Variants in AK7 observed in about 807,000 individuals in gnomAD.
AK7 encodes the protein adenylate kinase 7.
In AK7, 78 loss-of-function variants were observed where a neutral mutation model predicts 96.6. The observed-to-expected ratio is 0.81, with a 90% CI of 0.67 to 0.97. The LOEUF is 0.97. AK7 is among the 50% of genes least tolerant of loss of function. The pLI is 0.00. For missense variants in AK7, 855 were observed against 887.9 expected (o/e 0.96, Z 0.47); for synonymous variants, 302 against 317.2 (o/e 0.95, Z 0.51).
intron 7 of AK7, among the ~76,000 whole-genome samples, chr14:96,444,907 AG>A (rs1162838651): frequency 6.6e-6 from 1 of 152,038 alleles, no homozygotes; most frequent in African/African-American, 2.4e-5. Context: ...TAGTAGAGAC[AG>A]GGTTTCACCA....
In AK7 at chr14:96,488,424, C is replaced by A. The variant is rs1895896753; in HGVS notation, c.*81C>A. ...CTTTGAAAAATTGCTTTGAAAAATG[C>A]TTTTCCAGTTCTTAGAAAATTCTTT... is the stretch of plus-strand genomic sequence containing the variant. On this transcript the variant is annotated 3_prime_UTR_variant, in exon 18 of 18. Transcript: ENST00000267584. The A allele has an allele frequency of 3.1e-6, 4 of 1,289,444 alleles. No homozygotes were observed. Among genetic ancestry groups the A allele is most frequent in the Admixed American group, 4.5e-5 (2 of 44,538 alleles). 79.9% of individuals were successfully genotyped at this position (1,289,444 alleles called of 1,614,324 possible).
intron 12 of AK7, among the ~76,000 whole-genome samples, chr14:96,466,748 C>T (rs980024041): frequency 5.3e-5 from 8 of 152,070 alleles, no homozygotes; most frequent in East Asian, 3.9e-4. Context: ...GAAAAATACA[C>T]GGCCGGAGAG....
At chr14:96,409,830 T>C (rs1027675355) in intron 4 of AK7, among the ~76,000 whole-genome samples, 1 of 152,258 alleles carries the variant, frequency 6.6e-6, no homozygotes, top group Non-Finnish European at 1.5e-5. Context: ...GCCTATGCAC[T>C]ACCTTTCCAT....
intron 6 of AK7, among the ~76,000 whole-genome samples, chr14:96,441,753 C>T (rs1275354697): frequency 6.6e-6 from 1 of 151,796 alleles, no homozygotes; most frequent in Non-Finnish European, 1.5e-5. Flanking sequence ...ATTTTGGGGT[C>T]CCAAGGTTTA....
At chr14:96,474,757 ACT>A (rs1895085501) in intron 14 of AK7, among the ~76,000 whole-genome samples, 1 of 152,230 alleles carries the variant, frequency 6.6e-6, no homozygotes, top group South Asian at 2.1e-4. Flanking sequence ...CTCATTGCAA[ACT>A]CTGTGCTAAA....
intron 5 of AK7, among the ~76,000 whole-genome samples, chr14:96,431,867 C>A (rs933215244): frequency 6.6e-6 from 1 of 152,108 alleles, no homozygotes; most frequent in Admixed American, 6.6e-5. Context: ...GTGTTAAAGC[C>A]TCCCATTATT....
intron 17 of AK7, among the ~76,000 whole-genome samples, 200 bp downstream of exon 17, chr14:96,487,256 G>A (rs983349844): frequency 4.0e-5 from 6 of 148,978 alleles, no homozygotes; most frequent in African/African-American, 1.5e-4. Context: ...GTGGTGGCAC[G>A]CGCTGTAGTC....
chr14:96,449,062 C>T (rs1893421530), intron 8 of AK7, among the ~76,000 whole-genome samples: 1 of 152,146 alleles, frequency 6.6e-6, no homozygotes, highest in Non-Finnish European at 1.5e-5. Context: ...CGTGCGTCCT[C>T]ACATGGTGGA....
chr14:96,434,875 G>T (rs1892556582), intron 5 of AK7, among the ~76,000 whole-genome samples: 1 of 152,138 alleles, frequency 6.6e-6, no homozygotes, highest in Non-Finnish European at 1.5e-5. Context: ...AGCCACCCCA[G>T]GCCACAAGGA....
intron 5 of AK7, among the ~76,000 whole-genome samples, chr14:96,431,910 C>T (rs1401120132): frequency 6.6e-6 from 1 of 152,088 alleles, no homozygotes; most frequent in Non-Finnish European, 1.5e-5. Flanking sequence ...TTTGTAGTCT[C>T]TAAGGACTTG....
chr14:96,456,553 C>G lies in AK7; in HGVS notation c.1227+78C>G, dbSNP rs188878588. On this transcript the variant is annotated intron_variant, in intron 11 of 17. Coordinates refer to ENST00000267584, the MANE Select transcript of AK7 (RefSeq NM_152327.5). ...TTAGGGTATAAAGATGTATATGATT[C>G]GAATTAGCCAGCTGGATGCAGTTTA... The G allele has an allele frequency of 7.1e-5, 107 of 1,507,984 alleles. 1 individual carries two copies. In the Admixed American group the frequency reaches 1.9e-3, roughly 26 times the overall value. 93.4% of individuals were successfully genotyped at this position (1,507,984 alleles called of 1,614,324 possible). A position where few individuals can be genotyped will look rare whatever the true frequency, so the allele number is the denominator to read the frequency against.
At chr14:96,448,126 C>CAA (rs557075450) in intron 8 of AK7, among the ~76,000 whole-genome samples, 6 of 81,934 alleles carry the variant, frequency 7.3e-5, no homozygotes, top group Admixed American at 1.3e-4. Context: ...GAGACCCTGT[C>CAA]AAAAAAAAAA....
chr14:96,456,532 G>T lies in AK7; in HGVS notation c.1227+57G>T. ...TAATTAATTACTGTATTGTTCTTAGGGTATAAAGATGTATATGATTCGAAT... is the reference window on the plus strand; with the variant it reads ...TAATTAATTACTGTATTGTTCTTAGTGTATAAAGATGTATATGATTCGAAT... On this transcript the variant is annotated intron_variant, in intron 11 of 17. Transcript: ENST00000267584. The T allele has an allele frequency of 1.9e-6, 3 of 1,572,288 alleles. No individual in the cohort carries two copies. The South Asian group carries it at 3.4e-5, about 18-fold the overall frequency.
At chr14:96,448,621 C>T (rs1478691972) in intron 8 of AK7, among the ~76,000 whole-genome samples, 4 of 127,026 alleles carry the variant, frequency 3.1e-5, no homozygotes, top group Non-Finnish European at 6.4e-5. Flanking sequence ...TAGAACAAGA[C>T]CCTATCTCTA....
intron 5 of AK7, chr14:96,424,149 T>C: frequency 1.6e-6 from 1 of 626,756 alleles, no homozygotes; most frequent in Non-Finnish European, 3.0e-6. Context: ...ATGCAGCGGG[T>C]GCTGCGGCTG....
At chr14:96,407,666 C>T (rs1890797546) in intron 3 of AK7, among the ~76,000 whole-genome samples, 1 of 149,928 alleles carries the variant, frequency 6.7e-6, no homozygotes, top group Admixed American at 6.7e-5. Context: ...ACTGCAAGCT[C>T]CGCCTCCCGG....
chr14:96,464,827 C>T (rs1429649963), intron 12 of AK7, among the ~76,000 whole-genome samples: 1 of 152,186 alleles, frequency 6.6e-6, no homozygotes, highest in Non-Finnish European at 1.5e-5. Context: ...CTCAGTCCCT[C>T]AACCATAAAT....
In AK7 at chr14:96,458,087, C is replaced by G. The variant is rs1272341209; in HGVS notation, c.1232C>G (p.Ala411Gly). 6.2e-7 allele frequency: 1 copy of G among 1,611,996 alleles called. No homozygotes were observed. The highest frequency in any genetic ancestry group is 1.7e-5 in the Admixed American group (1 of 59,882). ...VISEAIAKLE[A>G]IVAPNDVGEG... is the part of the protein sequence containing the mutation. ...GAATATCCCTGTGGTATGCAGGAGG[C>G]GATTGTTGCCCCTAACGATGTAGGG... The change falls in exon 12 of 18, where the codon GCG (alanine) becomes GGG (glycine). Residue 411 changes from alanine (A) to glycine (G), a missense_variant. Ala to Gly is a moderately conservative substitution (Grantham distance 60). Coordinates refer to ENST00000267584, the MANE Select transcript of AK7 (RefSeq NM_152327.5).
chr14:96,458,538 T>C (rs1260142306), intron 12 of AK7, among the ~76,000 whole-genome samples: 1 of 151,912 alleles, frequency 6.6e-6, no homozygotes, highest in African/African-American at 2.4e-5. Context: ...GGTCATGAGT[T>C]TGAGACCAGC....
Sources: gnomAD v4.1 joint callset for allele counts (sites outside exome capture counted in the v4.1 genomes callset) on GRCh38, gnomAD v4.1.1 for gene constraint, MANE v1.5 for transcripts, NCBI Gene and HGNC (gene_info 2026-07-23, HGNC 2026-07-21) for gene names.